IGBP1: variants seen among roughly 807,000 people sequenced by gnomAD.
The protein encoded by IGBP1 is immunoglobulin-binding protein 1.
In IGBP1, 2 loss-of-function variants were observed where a neutral mutation model predicts 25.9. That is an observed-to-expected ratio of 0.08 (90% CI 0.03 to 0.24). The LOEUF (loss-of-function observed/expected upper bound fraction) is 0.24. Ranked by LOEUF, IGBP1 falls within the 10% of genes least tolerant of loss-of-function variation. IGBP1 has a pLI of 1.00. For missense variants in IGBP1, 187 were observed against 260.4 expected, an observed-to-expected ratio of 0.72 and a Z score of 1.94; for synonymous variants, 96 against 93.4, an observed-to-expected ratio of 1.03 and a Z score of -0.16.
chrX:70,162,205 T>C (rs896169841), intron 6 of IGBP1, among the ~76,000 whole-genome samples: 7 of 111,560 alleles, frequency 6.3e-5, no homozygotes, highest in African/African-American at 2.3e-4. Context: ...GAGGTTATTA[T>C]CAGTGTGAAG....
chrX:70,162,966 T>G (rs903371381), intron 6 of IGBP1, among the ~76,000 whole-genome samples: 4 of 111,062 alleles, frequency 3.6e-5, no homozygotes, highest in African/African-American at 1.3e-4. Flanking sequence ...AGAGCAAGAC[T>G]CCTTTGTCTC....
intron 6 of IGBP1, among the ~76,000 whole-genome samples, chrX:70,158,937 G>A (rs1251591034): frequency 2.7e-5 from 3 of 112,088 alleles, no homozygotes; most frequent in Non-Finnish European, 3.8e-5. Flanking sequence ...TGAGAAAAAG[G>A]GAACAGAAAA....
At chrX:70,141,692 T>C (rs1224187101) in intron 3 of IGBP1, among the ~76,000 whole-genome samples, 1 of 111,652 alleles carries the variant, frequency 9.0e-6, no homozygotes, top group East Asian at 2.8e-4. Context: ...CAAAATGCTG[T>C]AGCGGAAAAA....
chrX:70,160,002 C>A (rs915136468), intron 6 of IGBP1, among the ~76,000 whole-genome samples: 23 of 111,336 alleles, frequency 2.1e-4, no homozygotes, highest in Non-Finnish European at 1.3e-4. Flanking sequence ...GTGCTATTGC[C>A]GTTTGGCCCA....
chrX:70,146,389 C>A (rs557147471), intron 3 of IGBP1, among the ~76,000 whole-genome samples: 2 of 110,146 alleles, frequency 1.8e-5, no homozygotes, highest in African/African-American at 6.6e-5. Flanking sequence ...TTGCTGAGAT[C>A]CGGTTACTTC....
At chrX:70,134,913 C>A in intron 3 of IGBP1, 97 bp downstream of exon 3, 1 of 842,990 alleles carries the variant, frequency 1.2e-6, no homozygotes, top group East Asian at 3.1e-5. Context: ...TGGTATGTGT[C>A]ACTTTCTTGG....
intron 6 of IGBP1, among the ~76,000 whole-genome samples, chrX:70,153,028 G>A (rs1044800798): frequency 1.3e-4 from 15 of 111,797 alleles, no homozygotes; most frequent in Non-Finnish European, 5.6e-5. Context: ...TCAAACTGCA[G>A]AACACCAGAG....
At position 70,150,427 on chromosome X, in the gene IGBP1, A is replaced by G. The variant is rs367780647; in HGVS notation, c.871+105A>G. ...CCCTTTAGGAACAGAAATAGTGGGG[A>G]CAAAGATTCTGAGTAATAGAAAGAT... On this transcript the variant is annotated intron_variant, in intron 6 of 6. Transcript: ENST00000356413. 123 of 537,225 alleles carry G rather than the reference A, an allele frequency of 2.3e-4. No individual in the cohort carries two copies. The African/African-American group carries it at 2.7e-3, about 12-fold the overall frequency. The allele number at this position is 537,225 out of a possible 1,213,427, so 44.3% of individuals were successfully genotyped here.
intron 3 of IGBP1, among the ~76,000 whole-genome samples, chrX:70,142,893 A>G (rs2147572909): frequency 9.4e-6 from 1 of 105,846 alleles, no homozygotes; most frequent in East Asian, 3.0e-4. Flanking sequence ...ACAGTAAAAG[A>G]GGAAGAGTGA....
intron 3 of IGBP1, among the ~76,000 whole-genome samples, chrX:70,135,626 A>C (rs2085090470): frequency 9.0e-6 from 1 of 111,693 alleles, no homozygotes; most frequent in Non-Finnish European, 1.9e-5. Flanking sequence ...AGAGGAGGGC[A>C]TTAGCCGGCA....
chrX:70,150,434 T>A (rs1018757136), intron 6 of IGBP1, 112 bp downstream of exon 6: 1 of 528,073 alleles, frequency 1.9e-6, no homozygotes, highest in African/African-American at 2.3e-5. Flanking sequence ...GGGACAAAGA[T>A]TCTGAGTAAT....
chrX:70,160,173 C>A (rs560536570), intron 6 of IGBP1, among the ~76,000 whole-genome samples: 1 of 111,351 alleles, frequency 9.0e-6, no homozygotes, highest in Admixed American at 9.5e-5. Context: ...AACTGCTGCC[C>A]GGCACCAGGC....
intron 6 of IGBP1, 119 bp downstream of exon 6, chrX:70,150,441 T>C: frequency 1.9e-6 from 1 of 524,816 alleles, no homozygotes; most frequent in Non-Finnish European, 3.5e-6. Flanking sequence ...AGATTCTGAG[T>C]AATAGAAAGA....
At chrX:70,144,636 A>G (rs2085153394) in intron 3 of IGBP1, among the ~76,000 whole-genome samples, 1 of 103,427 alleles carries the variant, frequency 9.7e-6, no homozygotes, top group African/African-American at 3.5e-5. Flanking sequence ...CCTTTTCAGA[A>G]CAGTGGTTCT....
Position 70,146,704 on chromosome X carries a change from A to T in IGBP1, c.554A>T (p.Asp185Val), listed in dbSNP as rs779009512. 8 of 1,203,914 alleles carry T rather than the reference A, an allele frequency of 6.6e-6. No homozygotes were observed. The highest frequency in any genetic ancestry group is 9.0e-6 in the Non-Finnish European group (8 of 891,105). ...MKSAVESGQA[D>V]DERVREYYLL... ...TCTGCTGTGGAAAGTGGTCAAGCAG[A>T]TGATGAGCGTGTTCGTGAATATTAT... Residue 185 changes from aspartate (D) to valine (V), a missense_variant, in exon 4 of 7, where the codon GAT becomes GTT. Asp to Val is a radical substitution (Grantham distance 152). Transcript: ENST00000356413.
intron 6 of IGBP1, among the ~76,000 whole-genome samples, chrX:70,153,827 C>T (rs1163961506): frequency 9.0e-6 from 1 of 111,308 alleles, no homozygotes; most frequent in Non-Finnish European, 1.9e-5. Context: ...AGGAGGCTCA[C>T]ATAGGGTTGC....
intron 6 of IGBP1, among the ~76,000 whole-genome samples, chrX:70,158,952 CAA>C (rs763624107): frequency 8.9e-6 from 1 of 112,267 alleles, no homozygotes; most frequent in East Asian, 2.8e-4. Context: ...AGAAAATTAT[CAA>C]AGTCAAACCC....
chrX:70,153,764 G>A (rs1316131829), intron 6 of IGBP1, among the ~76,000 whole-genome samples: 2 of 112,004 alleles, frequency 1.8e-5, no homozygotes, highest in African/African-American at 6.5e-5. Context: ...TCTTCTGGAA[G>A]CTTGGATGGG....
chrX:70,142,923 T>G (rs1480863915), intron 3 of IGBP1, among the ~76,000 whole-genome samples: 4 of 97,131 alleles, frequency 4.1e-5, no homozygotes, highest in African/African-American at 1.5e-4. Context: ...GTTGTTTTTT[T>G]TTTTTTTTTT....
Sources: gnomAD v4.1 joint callset for allele counts (sites outside exome capture counted in the v4.1 genomes callset) on GRCh38, gnomAD v4.1.1 for gene constraint, MANE v1.5 for transcripts, NCBI Gene and HGNC (gene_info 2026-07-23, HGNC 2026-07-21) for gene names.